IGF1R: variants seen among roughly 807,000 people sequenced by gnomAD.
The protein encoded by IGF1R is insulin like growth factor 1 receptor, also known as insulin-like growth factor 1 receptor.
Under a neutral mutation model 144.6 loss-of-function variants are expected in IGF1R, and 44 were observed. The observed-to-expected ratio is 0.30, with a 90% confidence interval of 0.24 to 0.39. The LOEUF is 0.39. Ranked by LOEUF, IGF1R falls within the 10% of genes least tolerant of loss-of-function variation. The pLI is 1.00. For missense variants in IGF1R, 1,355 were observed against 1,833.7 expected, an observed-to-expected ratio of 0.74 and a Z score of 4.77; for synonymous variants, 795 against 722.8, an observed-to-expected ratio of 1.10 and a Z score of -1.60.
intron 10 of IGF1R, among the ~76,000 whole-genome samples, chr15:98,920,813 G>A (rs76962018): frequency 0.049 from 7,465 of 152,248 alleles, 201 homozygotes; most frequent in Middle Eastern, 0.082. Flanking sequence ...AAGAAGGACC[G>A]TGTTTTCCTC....
rs773385539 is a variant in IGF1R, at chr15:98,649,543, T to C, written c.-39T>C. 1 of 690,978 alleles carries C rather than the reference T, an allele frequency of 1.4e-6. No individual in the cohort carries two copies. Among genetic ancestry groups the C allele is most frequent in the South Asian group, 2.0e-5 (1 of 50,282 alleles). 42.8% of individuals were successfully genotyped at this position (690,978 alleles called of 1,614,324 possible). Reference sequence around the variant, plus strand: ...TTCTTTTCTTTTTTTTTTTTTTTTTTTTTTTTGAGAAAGGGGAATTTCATC... The same window carrying C: ...TTCTTTTCTTTTTTTTTTTTTTTTTCTTTTTTGAGAAAGGGGAATTTCATC... On this transcript the variant is annotated 5_prime_UTR_variant, in exon 1 of 21. Transcript: ENST00000650285.
intron 2 of IGF1R, among the ~76,000 whole-genome samples, chr15:98,756,642 T>C (rs558659359): frequency 6.5e-4 from 99 of 152,246 alleles, no homozygotes; most frequent in African/African-American, 2.3e-3. Flanking sequence ...TAATTTCATC[T>C]CAGTATTTAA....
intron 2 of IGF1R, among the ~76,000 whole-genome samples, chr15:98,840,080 A>G (rs2011147569): frequency 6.6e-6 from 1 of 152,152 alleles, no homozygotes; most frequent in Non-Finnish European, 1.5e-5. Flanking sequence ...GCCTACATTA[A>G]TCACTCTCCC....
intron 1 of IGF1R, among the ~76,000 whole-genome samples, chr15:98,680,472 T>C (rs2053160438): frequency 6.6e-6 from 1 of 151,996 alleles, no homozygotes; most frequent in Non-Finnish European, 1.5e-5. Context: ...TGCACCGTGT[T>C]AGCCAGGATG....
intron 2 of IGF1R, among the ~76,000 whole-genome samples, chr15:98,881,730 A>G (rs1055356410): frequency 6.6e-6 from 1 of 152,202 alleles, no homozygotes; most frequent in Non-Finnish European, 1.5e-5. Flanking sequence ...TTCCAAGCCC[A>G]GGTTTGCAGT....
At chr15:98,770,305 T>G (rs2055552322) in intron 2 of IGF1R, among the ~76,000 whole-genome samples, 1 of 151,954 alleles carries the variant, frequency 6.6e-6, no homozygotes, top group South Asian at 2.1e-4. Flanking sequence ...CTCTTGGAGG[T>G]AGAGAGTAGA....
chr15:98,836,727 T>C (rs192824604), intron 2 of IGF1R, among the ~76,000 whole-genome samples: 29 of 152,342 alleles, frequency 1.9e-4, no homozygotes, highest in African/African-American at 6.7e-4. Context: ...TTACTATATC[T>C]AGTCTTCTCC....
At chr15:98,955,996 G>C (rs183478188) in intron 20 of IGF1R, among the ~76,000 whole-genome samples, 2,872 of 152,316 alleles carry the variant, frequency 0.019, 43 homozygotes, top group Non-Finnish European at 0.029. Flanking sequence ...GGCTGTTGGC[G>C]GTCACTCCTC....
In IGF1R at chr15:98,960,292, C is replaced by CCT. The variant is rs2017172158; in HGVS notation, c.*2850_*2851insCT. The CCT allele has an allele frequency of 8.7e-6, 2 of 231,110 alleles. No homozygotes were observed. Among genetic ancestry groups the CCT allele is most frequent in the Non-Finnish European group, 1.7e-5 (2 of 117,156 alleles). 14.3% of individuals were successfully genotyped at this position (231,110 alleles called of 1,614,324 possible). On this transcript the variant is annotated 3_prime_UTR_variant, in exon 21 of 21. Transcript: ENST00000650285. ...TTCTGAGATGTCCTGTTTTGTGTTG[C>CCT]TTTTTTTGTTTTGTTTTCTATCTTG...
At chr15:98,850,427 G>T (rs1327488981) in intron 2 of IGF1R, among the ~76,000 whole-genome samples, 3 of 149,396 alleles carry the variant, frequency 2.0e-5, no homozygotes, top group Admixed American at 2.0e-4. Flanking sequence ...GCAGACACCT[G>T]GGGGGGGCAC....
chr15:98,954,044 C>G (rs1175183912), intron 20 of IGF1R: 1 of 152,262 alleles, frequency 6.6e-6, no homozygotes, highest in Non-Finnish European at 1.5e-5. Context: ...CTCTGGGAAT[C>G]CGGTGAGCGT....
chr15:98,907,974 C>T (rs1213125215), intron 5 of IGF1R, among the ~76,000 whole-genome samples: 1 of 152,240 alleles, frequency 6.6e-6, no homozygotes, highest in Non-Finnish European at 1.5e-5. Context: ...ATCAGAAGCT[C>T]TGGGGGTGGG....
chr15:98,963,493 G>A lies in IGF1R; in HGVS notation c.*6051G>A, dbSNP rs2017307216. ...AGATGGAAAGAACCTCATTGGCCATGGAAACAGCCGAGGTGTTGGAGCCCA... is the reference window on the plus strand; with the variant it reads ...AGATGGAAAGAACCTCATTGGCCATAGAAACAGCCGAGGTGTTGGAGCCCA... On this transcript the variant is annotated 3_prime_UTR_variant, in exon 21 of 21. Coordinates refer to ENST00000650285, the MANE Select transcript of IGF1R (RefSeq NM_000875.5). 1 of 233,202 alleles carries A rather than the reference G, an allele frequency of 4.3e-6. No individual in the cohort carries two copies. Among genetic ancestry groups the A allele is most frequent in the Non-Finnish European group, 8.5e-6 (1 of 118,080 alleles). 14.4% of individuals were successfully genotyped at this position (233,202 alleles called of 1,614,324 possible). A position where few individuals can be genotyped will look rare whatever the true frequency, so the allele number is the denominator to read the frequency against.
intron 19 of IGF1R, among the ~76,000 whole-genome samples, chr15:98,946,980 G>C (rs1567216423): frequency 6.6e-6 from 1 of 152,136 alleles, no homozygotes; most frequent in Non-Finnish European, 1.5e-5. Flanking sequence ...GTCATTTCTT[G>C]TACCAAGCTG....
At position 98,707,812 on chromosome 15, in the gene IGF1R, C is replaced by T. The variant is rs751373594; in HGVS notation, c.345C>T (p.Tyr115=). ...GCGGCTGGAAACTCTTCTACAACTACGCCCTGGTCATCTTCGAGATGACCA... is the reference window on the plus strand; with the variant it reads ...GCGGCTGGAAACTCTTCTACAACTATGCCCTGGTCATCTTCGAGATGACCA... ...VIRGWKLFYN[Y]ALVIFEMTNL... The change falls in exon 2 of 21, where the codon TAC becomes TAT. Residue 115 remains tyrosine, a synonymous_variant. Coordinates refer to ENST00000650285, the MANE Select transcript of IGF1R (RefSeq NM_000875.5). The surrounding 1 kb of genome is among the most constrained non-coding windows in gnomAD (Gnocchi z 6.7). The T allele has an allele frequency of 3.0e-5, 48 of 1,614,088 alleles. 2 individuals carry two copies. The highest frequency in any genetic ancestry group is 1.9e-4 in the South Asian group (17 of 91,086).
intron 20 of IGF1R, among the ~76,000 whole-genome samples, chr15:98,951,827 C>A (rs907423576): frequency 1.3e-5 from 2 of 152,216 alleles, no homozygotes; most frequent in Non-Finnish European, 2.9e-5. Flanking sequence ...GTTTTTGGCT[C>A]TGTGGGCCCA....
rs1175666578 is a variant in IGF1R at position 98,959,038 on chromosome 15, C to G, written c.*1596C>G. ...CGCTCCTCTCCCCAGCCTGCCCTCA[C>G]AGCATTGGAGCCTGTTACAGTGCAA... On this transcript the variant is annotated 3_prime_UTR_variant, in exon 21 of 21. Transcript: ENST00000650285. The G allele has an allele frequency of 1.7e-5, 4 of 233,212 alleles. No individual in the cohort carries two copies. In the Admixed American group the frequency reaches 2.3e-4, roughly 13 times the overall value. 14.4% of individuals were successfully genotyped at this position (233,212 alleles called of 1,614,324 possible).
chr15:98,877,961 G>A (rs983069946), intron 2 of IGF1R, among the ~76,000 whole-genome samples: 5 of 152,222 alleles, frequency 3.3e-5, no homozygotes, highest in Admixed American at 6.5e-5. Flanking sequence ...GGGCTTTTGC[G>A]TAGGTTGTTG....
chr15:98,923,510 AAGTGGTAGGCACAGGGT>A (rs1298311685), intron 11 of IGF1R, among the ~76,000 whole-genome samples: 1 of 152,200 alleles, frequency 6.6e-6, no homozygotes, highest in African/African-American at 2.4e-5. Context: ...TTCTTTTTTC[AAGTGGTAGGCACAGGGT>A]AGAAGAAAGT....
Sources: allele counts gnomAD v4.1 joint callset (sites outside exome capture counted in the v4.1 genomes callset), GRCh38; gene constraint gnomAD v4.1.1; non-coding constraint Gnocchi (gnomAD v3.1); transcripts MANE v1.5; gene names NCBI Gene and HGNC (gene_info 2026-07-23, HGNC 2026-07-21).